The following STK3 variants were observed in gnomAD, a reference collection of about 807,000 sequenced individuals.
The protein encoded by STK3 is serine/threonine-protein kinase 3.
STK3 carries 41 observed loss-of-function variants against 58.0 expected under a neutral mutation model. The ratio of observed to expected loss-of-function variants is 0.71; its 90% CI spans 0.55 to 0.92. The LOEUF (loss-of-function observed/expected upper bound fraction) is 0.92, where lower values mean the gene tolerates loss of function less well. STK3 is among the 40% of genes least tolerant of loss of function. The probability of loss-of-function intolerance (pLI) is 0.00; values close to 1 mark genes in which losing one functional copy is unlikely to be tolerated. For missense variants in STK3, 479 were observed against 602.7 expected, an observed-to-expected ratio of 0.79 and a Z score of 2.15; for synonymous variants, 170 against 191.0, an observed-to-expected ratio of 0.89 and a Z score of 0.91.
the STK3 span, among the ~76,000 whole-genome samples, chr8:98,362,741 TCCA>T: frequency 1.4e-4 from 21 of 152,216 alleles, no homozygotes; most frequent in South Asian, 1.7e-3. Flanking sequence ...GTATGATGCT[TCCA>T]CCTAAATTCC....
At chr8:98,440,609 C>CA (rs1245935067) in intron 1 of STK3, among the ~76,000 whole-genome samples, 2 of 151,770 alleles carry the variant, frequency 1.3e-5, no homozygotes, top group African/African-American at 4.8e-5. Flanking sequence ...TGGTACAGTG[C>CA]AAAAAACTTA....
intron 10 of STK3, among the ~76,000 whole-genome samples, chr8:98,506,143 G>T (rs1213076695): frequency 6.6e-6 from 1 of 152,228 alleles, no homozygotes; most frequent in Non-Finnish European, 1.5e-5. Flanking sequence ...TGCCTTGCAG[G>T]TTGATCTCAG....
At position 98,517,248 on chromosome 8, in the gene STK3, A is replaced by C. The variant is rs1163201497; in HGVS notation, c.1317+9494T>G. Among the ~76,000 whole-genome samples, 3 of 152,098 alleles carry C rather than the reference A, an allele frequency of 2.0e-5. No homozygotes were observed. The East Asian group carries it at 5.8e-4, about 29-fold the overall frequency. On this transcript the variant is annotated intron_variant, in intron 10 of 10. Transcript: ENST00000419617. The stretch of plus-strand genomic sequence containing the variant: ...GTTTCAACAACTGATGAACACAATT[A>C]CAAAACAAGACTACTTTGGTTTTGA...
chr8:98,548,189 A>C (rs747233403), intron 8 of STK3, 28 bp from the exon 9 acceptor site: 1 of 1,437,548 alleles, frequency 7.0e-7, no homozygotes, highest in Non-Finnish European at 9.2e-7. Flanking sequence ...CAATGAGGGA[A>C]GACTTTTCTA....
chr8:98,429,133 C>A (rs201873843), intron 3 of STK3: 27 of 1,613,232 alleles, frequency 1.7e-5, no homozygotes, highest in African/African-American at 2.7e-5. Flanking sequence ...CCAGGGACCA[C>A]GGCAGGAAAG....
intron 1 of STK3, among the ~76,000 whole-genome samples, chr8:98,448,913 T>A (rs4407850): frequency 0.49 from 73,741 of 152,002 alleles, 18,244 homozygotes; most frequent in Admixed American, 0.57. Context: ...ACTTATGAAT[T>A]GAATAGTAAA....
At chr8:98,710,774 C>T (rs1041360572) in intron 4 of STK3, among the ~76,000 whole-genome samples, 1 of 152,212 alleles carries the variant, frequency 6.6e-6, no homozygotes, top group African/African-American at 2.4e-5. Flanking sequence ...CCCTGTCTGA[C>T]ATCTTTGAAG....
At chr8:98,844,796 T>G (rs1836138121) in intron 3 of STK3, among the ~76,000 whole-genome samples, 1 of 152,192 alleles carries the variant, frequency 6.6e-6, no homozygotes, top group African/African-American at 2.4e-5. Flanking sequence ...TCAATGATTA[T>G]TGCTAGCATG....
chr8:98,655,343 A>T (rs1012186921), intron 6 of STK3, among the ~76,000 whole-genome samples: 2 of 152,248 alleles, frequency 1.3e-5, no homozygotes, highest in Admixed American at 1.3e-4. Flanking sequence ...TTCAAGATGG[A>T]TTAAAGACTT....
rs537827784 is a variant in STK3, at chr8:98,780,406, T to C, written c.27-5587A>G. On this transcript the variant is annotated intron_variant, in intron 1 of 10. Coordinates refer to ENST00000419617, the MANE Select transcript of STK3 (RefSeq NM_006281.4). ...ATGAGTGAAGTTGACCATCTTTTCA[T>C]ATGATTAAGAAGCTAAATCACCTAC... 4.9e-4 allele frequency among the ~76,000 whole-genome samples: 75 copies of C among 152,250 alleles called. 1 individual carries two copies. Among genetic ancestry groups the C allele is most frequent in the African/African-American group, 1.5e-3 (63 of 41,562 alleles).
At chr8:98,773,590 C>A (rs1022577449) in intron 2 of STK3, among the ~76,000 whole-genome samples, 3 of 152,014 alleles carry the variant, frequency 2.0e-5, no homozygotes, top group Non-Finnish European at 2.9e-5. Context: ...AAGATCCCAT[C>A]TCTATTAATA....
intron 3 of STK3, among the ~76,000 whole-genome samples, chr8:98,831,113 T>A (rs576820855): frequency 6.6e-6 from 1 of 151,896 alleles, no homozygotes; most frequent in East Asian, 1.9e-4. Context: ...CTAAGAGAAA[T>A]GGGAAAGAAA....
At chr8:98,788,447 A>C (rs1212572222) in intron 1 of STK3, among the ~76,000 whole-genome samples, 1 of 150,494 alleles carries the variant, frequency 6.6e-6, no homozygotes, top group Non-Finnish European at 1.5e-5. Flanking sequence ...CAGAAAAAAC[A>C]AACAAACAAA....
intron 4 of STK3, among the ~76,000 whole-genome samples, chr8:98,712,372 C>T (rs1309127821): frequency 3.3e-5 from 5 of 152,292 alleles, no homozygotes; most frequent in Admixed American, 3.3e-4. Flanking sequence ...CATCAGTGTG[C>T]TGTATTCAGG....
chr8:98,509,423 C>T (rs1824334594), intron 10 of STK3, among the ~76,000 whole-genome samples: 1 of 151,828 alleles, frequency 6.6e-6, no homozygotes, highest in Non-Finnish European at 1.5e-5. Context: ...ATATAAACTA[C>T]AAACAAAAAT....
intron 9 of STK3, among the ~76,000 whole-genome samples, chr8:98,546,647 C>T (rs1810724883): frequency 6.6e-6 from 1 of 152,132 alleles, no homozygotes; most frequent in East Asian, 1.9e-4. Flanking sequence ...GTTCTGGAGG[C>T]CATAAGACCA....
intron 1 of STK3, 102 bp downstream of exon 1, chr8:98,825,413 C>T (rs945773056): frequency 2.7e-5 from 30 of 1,130,260 alleles, no homozygotes; most frequent in Admixed American, 9.4e-5. Context: ...GCTCGGGGCC[C>T]GGCGGGCGGG....
At chr8:98,667,420 C>A (rs940298903) in intron 6 of STK3, among the ~76,000 whole-genome samples, 1 of 152,028 alleles carries the variant, frequency 6.6e-6, no homozygotes, top group Admixed American at 6.5e-5. Flanking sequence ...TTTAAACCAC[C>A]TTAAACAATG....
intron 1 of STK3, among the ~76,000 whole-genome samples, chr8:98,387,420 C>G (rs1225736575): frequency 6.6e-6 from 1 of 152,186 alleles, no homozygotes; most frequent in Non-Finnish European, 1.5e-5. Flanking sequence ...TGTATTTTCT[C>G]TTTAAAATAA....
Sources: gnomAD v4.1 joint callset for allele counts (sites outside exome capture counted in the v4.1 genomes callset) on GRCh38, gnomAD v4.1.1 for gene constraint, MANE v1.5 for transcripts, NCBI Gene and HGNC (gene_info 2026-07-23, HGNC 2026-07-21) for gene names.